The following TRIM44 variants were observed in gnomAD, a reference collection of about 807,000 sequenced individuals.
TRIM44 encodes the protein tripartite motif containing 44.
A neutral mutation model predicts 37.4 loss-of-function variants in TRIM44; 13 were observed. The ratio of observed to expected loss-of-function variants is 0.35; its 90% CI spans 0.23 to 0.55. The LOEUF is 0.55. Ranked by LOEUF, TRIM44 falls within the 20% of genes least tolerant of loss-of-function variation. The pLI, the probability that TRIM44 is intolerant of heterozygous loss-of-function variation, is 0.89. For missense variants in TRIM44, 426 were observed against 437.2 expected, an observed-to-expected ratio of 0.97 and a Z score of 0.23; for synonymous variants, 175 against 157.2, an observed-to-expected ratio of 1.11 and a Z score of -0.85.
intron 1 of TRIM44, among the ~76,000 whole-genome samples, chr11:35,669,456 CTTTATTTATTTATTTA>C (rs35954725): frequency 4.7e-5 from 7 of 148,286 alleles, no homozygotes; most frequent in Admixed American, 2.0e-4. Context: ...AAAGGATCCC[CTTTATTTATTTATTTA>C]TTTATTTATT....
chr11:35,735,393 T>G, intron 3 of TRIM44, 33 bp from the exon 4 acceptor site: 1 of 1,611,918 alleles, frequency 6.2e-7, no homozygotes, highest in South Asian at 1.1e-5. Flanking sequence ...CAACAGTGAT[T>G]TCTAATACTG....
At chr11:35,682,709 C>T (rs535576747) in intron 1 of TRIM44, among the ~76,000 whole-genome samples, 8 of 152,062 alleles carry the variant, frequency 5.3e-5, no homozygotes, top group Admixed American at 1.3e-4. Context: ...CCTGGTTAGG[C>T]GATGCTGCTG....
At chr11:35,726,683 T>TA (rs34279918) in intron 3 of TRIM44, among the ~76,000 whole-genome samples, 7 of 147,288 alleles carry the variant, frequency 4.8e-5, no homozygotes, top group Admixed American at 6.7e-5. Flanking sequence ...ATTGTAAGAT[T>TA]AAAAAAAAAA....
chr11:35,728,402 A>G lies in TRIM44; in HGVS notation c.987+2239A>G, dbSNP rs189863499. The stretch of plus-strand genomic sequence containing the variant: ...ATGAATTTAGTCCTTCTCTGACATT[A>G]GCTGTCCTTTAAGCACCTCAGCTGT... On this transcript the variant is annotated intron_variant, in intron 3 of 4. Coordinates refer to ENST00000299413, the MANE Select transcript of TRIM44 (RefSeq NM_017583.6). 9.8e-5 allele frequency among the ~76,000 whole-genome samples: 15 copies of G among 152,318 alleles called. 1 individual carries two copies. The East Asian group carries it at 2.9e-3, about 29-fold the overall frequency.
At chr11:35,739,263 A>G (rs1852362567) in intron 4 of TRIM44, among the ~76,000 whole-genome samples, 1 of 152,230 alleles carries the variant, frequency 6.6e-6, no homozygotes, top group African/African-American at 2.4e-5. Context: ...TTATTAGCCC[A>G]CTTGTCAAAT....
intron 4 of TRIM44, among the ~76,000 whole-genome samples, chr11:35,775,298 G>A (rs937409626): frequency 6.6e-6 from 1 of 152,172 alleles, no homozygotes; most frequent in Non-Finnish European, 1.5e-5. Context: ...AGGGATGCTT[G>A]TGATTTTTAC....
intron 2 of TRIM44, among the ~76,000 whole-genome samples, chr11:35,714,638 G>GCA (rs1852016787): frequency 6.6e-6 from 1 of 152,160 alleles, no homozygotes; most frequent in Non-Finnish European, 1.5e-5. Flanking sequence ...AATGGAGATT[G>GCA]AGTCTTATTT....
chr11:35,696,524 T>A (rs1431581833), intron 2 of TRIM44, among the ~76,000 whole-genome samples: 1 of 151,848 alleles, frequency 6.6e-6, no homozygotes, highest in Non-Finnish European at 1.5e-5. Flanking sequence ...CTCTTGTCTT[T>A]CCCCCAGCCC....
chr11:35,739,309 A>T (rs1402498336), intron 4 of TRIM44, among the ~76,000 whole-genome samples: 4 of 152,200 alleles, frequency 2.6e-5, no homozygotes, highest in Non-Finnish European at 4.4e-5. Flanking sequence ...AATTTGCCTT[A>T]GATCACATGG....
intron 2 of TRIM44, among the ~76,000 whole-genome samples, chr11:35,715,425 T>TGTGTGG (rs1554930076): frequency 8.6e-5 from 13 of 150,826 alleles, no homozygotes; most frequent in Admixed American, 2.6e-4. Flanking sequence ...TGTGTGTGTG[T>TGTGTGG]GTGTGGGTGT....
chr11:35,737,343 T>G (rs1564987789), intron 4 of TRIM44, among the ~76,000 whole-genome samples: 1 of 152,114 alleles, frequency 6.6e-6, no homozygotes, highest in African/African-American at 2.4e-5. Context: ...ATTTTAGAAG[T>G]GTCTCCTACC....
At chr11:35,760,762 C>T (rs1294514260) in intron 4 of TRIM44, among the ~76,000 whole-genome samples, 3 of 152,206 alleles carry the variant, frequency 2.0e-5, no homozygotes, top group Non-Finnish European at 4.4e-5. Flanking sequence ...GGCTAGTTAA[C>T]ATGCATTATC....
Position 35,735,430 on chromosome 11 carries a change from A to T in TRIM44, c.992A>T (p.Asp331Val), listed in dbSNP as rs138227319. Reference protein sequence around the residue: ...NESAEPKAEGDEEGPSGASEE... With the variant: ...NESAEPKAEGVEEGPSGASEE... ...TTCTTTCTGTTTGTCTTTCAGGGCGATGAGGAAGGACCCAGGTAAGATCAC... is the reference window on the plus strand; with the variant it reads ...TTCTTTCTGTTTGTCTTTCAGGGCGTTGAGGAAGGACCCAGGTAAGATCAC... Residue 331 changes from aspartate (D) to valine (V), a missense_variant, in exon 4 of 5, where the codon GAT (aspartate) becomes GTT (valine). Asp to Val is a radical substitution (Grantham distance 152). Transcript: ENST00000299413. The T allele has an allele frequency of 2.3e-5, 37 of 1,613,624 alleles. No homozygotes were observed. The African/African-American group carries it at 3.2e-4, about 14-fold the overall frequency.
chr11:35,751,455 A>G (rs2135529862), intron 4 of TRIM44, among the ~76,000 whole-genome samples: 1 of 152,336 alleles, frequency 6.6e-6, no homozygotes, highest in Admixed American at 6.5e-5. Flanking sequence ...GGATCACAGT[A>G]TTCTGACTAA....
chr11:35,686,087 T>G (rs1343428976), intron 2 of TRIM44, among the ~76,000 whole-genome samples: 1 of 152,074 alleles, frequency 6.6e-6, no homozygotes, highest in African/African-American at 2.4e-5. Flanking sequence ...AATACTTTTT[T>G]CCTCATGACC....
chr11:35,681,136 T>C (rs1851517437), intron 1 of TRIM44, among the ~76,000 whole-genome samples: 1 of 152,222 alleles, frequency 6.6e-6, no homozygotes, highest in South Asian at 2.1e-4. Context: ...TTGTCCATTG[T>C]GAAGGAGAAT....
At chr11:35,675,753 T>G (rs1324342567) in intron 1 of TRIM44, among the ~76,000 whole-genome samples, 1 of 151,990 alleles carries the variant, frequency 6.6e-6, no homozygotes, top group East Asian at 1.9e-4. Context: ...ATCTCCTGAC[T>G]TCGTGATCTA....
chr11:35,758,824 G>T (rs1852683972), intron 4 of TRIM44, among the ~76,000 whole-genome samples: 1 of 152,168 alleles, frequency 6.6e-6, no homozygotes, highest in Non-Finnish European at 1.5e-5. Flanking sequence ...GTTGAGTATT[G>T]GCCCCCACTC....
intron 4 of TRIM44, among the ~76,000 whole-genome samples, chr11:35,778,150 C>T (rs1291345609): frequency 6.6e-6 from 1 of 152,074 alleles, no homozygotes; most frequent in Middle Eastern, 3.2e-3. Flanking sequence ...AGGCTTTGTT[C>T]GTTTCTTTTT....
Sources: gnomAD v4.1 joint callset for allele counts (sites outside exome capture counted in the v4.1 genomes callset) on GRCh38, gnomAD v4.1.1 for gene constraint, MANE v1.5 for transcripts, NCBI Gene and HGNC (gene_info 2026-07-23, HGNC 2026-07-21) for gene names.